Variants in RAB1A observed in about 807,000 individuals in gnomAD.
RAB1A encodes the protein RAB1A, member RAS oncogene family.
A neutral mutation model predicts 26.0 loss-of-function variants in RAB1A; 2 were observed. The observed-to-expected ratio is 0.08, with a 90% CI of 0.03 to 0.24. The LOEUF (loss-of-function observed/expected upper bound fraction) is 0.24, where lower values mean the gene tolerates loss of function less well. Among genes scored for constraint, RAB1A ranks in the 10% least tolerant of loss-of-function variants. The pLI is 1.00. For missense variants in RAB1A, 100 were observed against 247.0 expected (o/e 0.40, Z 3.99); for synonymous variants, 84 against 84.9 (o/e 0.99, Z 0.06).
intron 1 of RAB1A, among the ~76,000 whole-genome samples, chr2:65,127,860 A>G (rs1292127864): frequency 2.6e-5 from 4 of 152,074 alleles, no homozygotes; most frequent in African/African-American, 4.8e-5. Context: ...CAGCCTCTCG[A>G]GTAGCTGGGA....
intron 2 of RAB1A, among the ~76,000 whole-genome samples, chr2:65,098,462 AATTT>A (rs1669339996): frequency 6.6e-6 from 1 of 152,128 alleles, no homozygotes; most frequent in African/African-American, 2.4e-5. Context: ...CCACCCACCC[AATTT>A]ATTCACCACA....
chr2:65,091,585 G>C (rs1407615153), intron 3 of RAB1A, among the ~76,000 whole-genome samples: 4 of 152,106 alleles, frequency 2.6e-5, no homozygotes, highest in Admixed American at 2.0e-4. Context: ...TGAGTACAGT[G>C]GCATGATCAT....
At chr2:65,129,713 C>A (rs1670192918) in intron 1 of RAB1A, among the ~76,000 whole-genome samples, 180 bp downstream of exon 1, 1 of 151,970 alleles carries the variant, frequency 6.6e-6, no homozygotes, top group Non-Finnish European at 1.5e-5. Flanking sequence ...CCCTCCCCCG[C>A]GCGGCCGCCC....
At chr2:65,115,206 T>C (rs988908831) in intron 1 of RAB1A, among the ~76,000 whole-genome samples, 1 of 152,246 alleles carries the variant, frequency 6.6e-6, no homozygotes, top group African/African-American at 2.4e-5. Flanking sequence ...AAGACAGAAA[T>C]GTTATTTTAT....
intron 1 of RAB1A, among the ~76,000 whole-genome samples, chr2:65,122,602 T>A (rs562388142): frequency 4.6e-5 from 7 of 152,180 alleles, no homozygotes; most frequent in South Asian, 4.1e-4. Context: ...AAATTTTTTT[T>A]AAATCTCAAA....
In RAB1A at chr2:65,104,711, A is replaced by G. The variant is rs369166824; in HGVS notation, c.96+23T>C. ...AGCATTAATTGTACCATTAATTGTAAAGACATTTCAATTTCAACTTACTGC... is the reference window on the plus strand; with the variant it reads ...AGCATTAATTGTACCATTAATTGTAGAGACATTTCAATTTCAACTTACTGC... On this transcript the variant is annotated intron_variant, in intron 2 of 5. Coordinates refer to ENST00000409784, the MANE Select transcript of RAB1A (RefSeq NM_004161.5). The G allele has an allele frequency of 1.0e-4, 155 of 1,497,912 alleles. No homozygotes were observed. The African/African-American group carries it at 2.0e-3, about 19-fold the overall frequency. 92.8% of individuals were successfully genotyped at this position (1,497,912 alleles called of 1,614,324 possible).
intron 1 of RAB1A, among the ~76,000 whole-genome samples, chr2:65,117,994 G>T (rs1416451263): frequency 6.6e-6 from 1 of 152,194 alleles, no homozygotes; most frequent in Admixed American, 6.5e-5. Context: ...AATGCCCTTG[G>T]GCAAGTCATT....
chr2:65,104,151 C>T (rs753039635), intron 2 of RAB1A, among the ~76,000 whole-genome samples: 2 of 152,140 alleles, frequency 1.3e-5, no homozygotes, highest in African/African-American at 2.4e-5. Flanking sequence ...AGTCAAAAGT[C>T]CTTTATCTGT....
At chr2:65,118,578 A>T (rs1669877191) in intron 1 of RAB1A, among the ~76,000 whole-genome samples, 1 of 152,092 alleles carries the variant, frequency 6.6e-6, no homozygotes, top group African/African-American at 2.4e-5. Flanking sequence ...CCCGGGTTCA[A>T]GCAGTTCTCC....
chr2:65,109,396 G>A (rs935261382), intron 1 of RAB1A, among the ~76,000 whole-genome samples: 7 of 152,110 alleles, frequency 4.6e-5, no homozygotes, highest in South Asian at 4.2e-4. Context: ...ACTAAATTAT[G>A]CTAGTTTAGA....
At chr2:65,097,909 T>C (rs1267079031) in intron 3 of RAB1A, 62 bp downstream of exon 3, 4 of 940,872 alleles carry the variant, frequency 4.3e-6, no homozygotes, top group Non-Finnish European at 6.4e-6. Flanking sequence ...ATATACAAAA[T>C]AACAATACAT....
At chr2:65,107,485 T>TG (rs577317459) in intron 1 of RAB1A, among the ~76,000 whole-genome samples, 149 of 152,028 alleles carry the variant, frequency 9.8e-4, no homozygotes, top group African/African-American at 3.3e-3. Flanking sequence ...GTTGGTTTTT[T>TG]GGGGGGTGTT....
chr2:65,091,496 T>C (rs1396463657), intron 3 of RAB1A, among the ~76,000 whole-genome samples: 3 of 152,118 alleles, frequency 2.0e-5, no homozygotes, highest in Non-Finnish European at 2.9e-5. Flanking sequence ...TAACTACCAG[T>C]CAAGACAGAA....
chr2:65,103,048 G>A (rs556620534), intron 2 of RAB1A, among the ~76,000 whole-genome samples: 19 of 152,068 alleles, frequency 1.2e-4, no homozygotes, highest in African/African-American at 4.6e-4. Flanking sequence ...CCAGTATGCA[G>A]TAAAAAGTGC....
chr2:65,114,339 C>A (rs1669774211), intron 1 of RAB1A, among the ~76,000 whole-genome samples: 1 of 151,950 alleles, frequency 6.6e-6, no homozygotes. Context: ...TGTATTTGTA[C>A]AAACAGAAAT....
chr2:65,112,420 T>C (rs542390773), intron 1 of RAB1A, among the ~76,000 whole-genome samples: 2 of 152,258 alleles, frequency 1.3e-5, no homozygotes, highest in African/African-American at 2.4e-5. Flanking sequence ...GTGTTGGGAT[T>C]ATAGGCATAA....
At chr2:65,128,394 C>T (rs2103893730) in intron 1 of RAB1A, among the ~76,000 whole-genome samples, 1 of 152,204 alleles carries the variant, frequency 6.6e-6, no homozygotes, top group Non-Finnish European at 1.5e-5. Flanking sequence ...AAGAAAACTA[C>T]TAAATTAAGA....
At chr2:65,092,729 T>G (rs1213119509) in intron 3 of RAB1A, among the ~76,000 whole-genome samples, 2 of 152,240 alleles carry the variant, frequency 1.3e-5, no homozygotes, top group African/African-American at 4.8e-5. Flanking sequence ...TCCTCCTGCC[T>G]CAGCCTCCAA....
At chr2:65,116,258 G>C (rs756240425) in intron 1 of RAB1A, among the ~76,000 whole-genome samples, 13 of 152,174 alleles carry the variant, frequency 8.5e-5, no homozygotes, top group Non-Finnish European at 1.6e-4. Context: ...GACACAAGAT[G>C]ACAAAAGGGT....
Sources: gnomAD v4.1 joint callset for allele counts (sites outside exome capture counted in the v4.1 genomes callset) on GRCh38, gnomAD v4.1.1 for gene constraint, MANE v1.5 for transcripts, NCBI Gene and HGNC (gene_info 2026-07-23, HGNC 2026-07-21) for gene names.